DZIP1L: variants seen among roughly 807,000 people sequenced by gnomAD.
The protein encoded by DZIP1L is cilium assembly protein DZIP1L.
In DZIP1L, 90 loss-of-function variants were observed where a neutral mutation model predicts 88.7. The ratio of observed to expected loss-of-function variants is 1.02; its 90% confidence interval spans 0.86 to 1.21. DZIP1L has a LOEUF of 1.21. DZIP1L is among the 50% of genes most tolerant of loss of function. DZIP1L has a pLI of 0.00. For synonymous variants in DZIP1L, 363 were observed against 372.1 expected (o/e 0.98, Z 0.28); for missense variants, 932 against 955.8 (o/e 0.98, Z 0.33).
chr3:138,094,061 T>C (rs1944357282), intron 4 of DZIP1L, among the ~76,000 whole-genome samples: 2 of 152,246 alleles, frequency 1.3e-5, no homozygotes, highest in South Asian at 4.1e-4. Context: ...CTTAATCATT[T>C]CTACCTTTTG....
intron 10 of DZIP1L, among the ~76,000 whole-genome samples, chr3:138,077,974 C>T (rs1329606309): frequency 1.3e-5 from 2 of 152,184 alleles, no homozygotes; most frequent in Non-Finnish European, 2.9e-5. Context: ...GAGATTCTCC[C>T]TCTAACTTTA....
chr3:138,086,876 G>A (rs2107792359), intron 7 of DZIP1L, 85 bp downstream of exon 7: 1 of 1,392,054 alleles, frequency 7.2e-7, no homozygotes, highest in Non-Finnish European at 1.0e-6. Context: ...AGGGGAGATG[G>A]TGGGTGAGGG....
intron 6 of DZIP1L, among the ~76,000 whole-genome samples, chr3:138,087,369 A>G (rs191593658): frequency 7.9e-5 from 12 of 152,360 alleles, no homozygotes; most frequent in Admixed American, 2.0e-4. Flanking sequence ...TTGTCTTTTT[A>G]AATCTCAGAG....
chr3:138,106,178 G>A (rs1341979035), intron 1 of DZIP1L, among the ~76,000 whole-genome samples: 6 of 111,122 alleles, frequency 5.4e-5, no homozygotes, highest in East Asian at 3.0e-4. Flanking sequence ...TCGCACTGTC[G>A]CCCAGGCTGA....
At position 138,063,167 on chromosome 3, in the gene DZIP1L, ACCTGGGATCAGGGTGATTTCAAATACC is replaced by A. The variant is rs2107725893; in HGVS notation, c.2143-217_2143-191del. Among the ~76,000 whole-genome samples the A allele has an allele frequency of 6.6e-6, 1 of 152,222 alleles. No individual in the cohort carries two copies. The highest frequency in any genetic ancestry group is 2.1e-4 in the South Asian group (1 of 4,816). On this transcript the variant is annotated intron_variant, in intron 15 of 15. Transcript: ENST00000327532. The surrounding 1 kb of genome is among the most constrained non-coding windows in gnomAD (Gnocchi z 4.1). ...CTGCCTTTGAGAACCTGCTTTAGTG[ACCTGGGATCAGGGTGATTTCAAATACC>A]CCTGAAATTCTACTAACCAAACCCA...
chr3:138,094,883 C>A lies in DZIP1L; in HGVS notation c.687G>T (p.Ala229=). 6.2e-7 allele frequency: 1 copy of A among 1,614,242 alleles called. No individual in the cohort carries two copies. Among genetic ancestry groups the A allele is most frequent in the Non-Finnish European group, 8.5e-7 (1 of 1,180,042 alleles). ...TQGELEAQRE[A]ERQRQLQEAE... is the part of the protein sequence containing the mutation. ...CCACCTGGAGCTGCCGCTGCCTCTC[C>A]GCCTCCCTCTGGGCTTCCAGCTCCC... The change falls in exon 4 of 16, where the codon GCG becomes GCT. Residue 229 remains alanine, a synonymous_variant. Coordinates refer to ENST00000327532, the MANE Select transcript of DZIP1L (RefSeq NM_173543.3).
At chr3:138,111,142 C>T (rs528316059) in intron 1 of DZIP1L, among the ~76,000 whole-genome samples, 1 of 152,298 alleles carries the variant, frequency 6.6e-6, no homozygotes, top group South Asian at 2.1e-4. Flanking sequence ...CAGTCCCCAG[C>T]CCATTACCTG....
intron 11 of DZIP1L, among the ~76,000 whole-genome samples, chr3:138,075,791 A>G (rs753012101): frequency 6.6e-5 from 10 of 152,156 alleles, no homozygotes; most frequent in African/African-American, 1.4e-4. Context: ...CATCCTGGCA[A>G]ACATGGTGAA....
chr3:138,103,272 C>T (rs2042378745), intron 2 of DZIP1L, among the ~76,000 whole-genome samples, 199 bp downstream of exon 2: 2 of 152,178 alleles, frequency 1.3e-5, no homozygotes, highest in African/African-American at 4.8e-5. Context: ...CACATACACA[C>T]ACACACACAC....
intron 1 of DZIP1L, chr3:138,112,511 T>G (rs1030896677): frequency 6.6e-6 from 1 of 152,132 alleles, no homozygotes; most frequent in Non-Finnish European, 1.5e-5. Context: ...CTGATTAGGA[T>G]AGGCGGACAA....
At chr3:138,083,010 C>A (rs1278495647) in intron 8 of DZIP1L, among the ~76,000 whole-genome samples, 1 of 152,224 alleles carries the variant, frequency 6.6e-6, no homozygotes, top group Non-Finnish European at 1.5e-5. Context: ...CTTCTGCTAA[C>A]CAAGCCCAGC....
At chr3:138,075,127 C>T (rs1386993790) in intron 11 of DZIP1L, among the ~76,000 whole-genome samples, 3 of 152,096 alleles carry the variant, frequency 2.0e-5, no homozygotes, top group Admixed American at 1.3e-4. Context: ...ATATATGCAC[C>T]TAACACTGGA....
chr3:138,087,956 T>C (rs1944024868), intron 6 of DZIP1L, among the ~76,000 whole-genome samples: 2 of 152,136 alleles, frequency 1.3e-5, no homozygotes, highest in Non-Finnish European at 2.9e-5. Context: ...ATGCTGGGAG[T>C]ATTTACACCA....
At chr3:138,112,837 C>G (rs981990668) in intron 1 of DZIP1L, among the ~76,000 whole-genome samples, 5 of 152,112 alleles carry the variant, frequency 3.3e-5, no homozygotes, top group African/African-American at 1.2e-4. Context: ...GTCCCAGCTA[C>G]TCGGGAGGCT....
chr3:138,096,594 C>G (rs893751815), intron 3 of DZIP1L, among the ~76,000 whole-genome samples: 8 of 152,136 alleles, frequency 5.3e-5, no homozygotes, highest in African/African-American at 1.9e-4. Flanking sequence ...CTGGTGATAC[C>G]ATCCATGGTT....
In DZIP1L at chr3:138,081,740, C is replaced by T; in HGVS notation, c.1228G>A (p.Val410Met). The change falls in exon 9 of 16, where the codon GTG (valine) becomes ATG (methionine). Residue 410 changes from valine (V) to methionine (M), a missense_variant. Transcript: ENST00000327532. ...GCCCTGTGTAGACACTTACCTTCCACCTTCCTGAGAGACAAGGACTGGATC... is the reference window on the plus strand; with the variant it reads ...GCCCTGTGTAGACACTTACCTTCCATCTTCCTGAGAGACAAGGACTGGATC... ...EMIQSLSLRK[V>M]EGIHKVPKAV... 1 of 1,613,348 alleles carries T rather than the reference C, an allele frequency of 6.2e-7. No homozygotes were observed. Among genetic ancestry groups the T allele is most frequent in the Non-Finnish European group, 8.5e-7 (1 of 1,179,572 alleles).
At chr3:138,088,540 G>A in intron 5 of DZIP1L, 33 bp from the exon 6 acceptor site, 2 of 1,605,948 alleles carry the variant, frequency 1.2e-6, no homozygotes, top group Non-Finnish European at 1.7e-6. Context: ...TTATTCAGAT[G>A]AAGATCTCAT....
intron 7 of DZIP1L, among the ~76,000 whole-genome samples, chr3:138,086,386 T>C (rs1943941262): frequency 6.6e-6 from 1 of 152,148 alleles, no homozygotes; most frequent in African/African-American, 2.4e-5. Flanking sequence ...AGCCTTTTCA[T>C]CTTCTGAGCT....
At chr3:138,081,618 C>G (rs1943653823) in intron 9 of DZIP1L, 116 bp downstream of exon 9, 1 of 1,061,052 alleles carries the variant, frequency 9.4e-7, no homozygotes, top group East Asian at 2.7e-5. Flanking sequence ...TACATGTCCA[C>G]AGGCTGCTGT....
Sources: gnomAD v4.1 joint callset for allele counts (sites outside exome capture counted in the v4.1 genomes callset) on GRCh38, gnomAD v4.1.1 for gene constraint, Gnocchi (gnomAD v3.1) non-coding constraint, MANE v1.5 for transcripts, NCBI Gene and HGNC (gene_info 2026-07-23, HGNC 2026-07-21) for gene names.